Variants in GOLGA5 observed in about 807,000 individuals in gnomAD.
GOLGA5 encodes the protein golgin A5, also known as golgin subfamily A member 5.
GOLGA5 carries 50 observed loss-of-function variants against 93.5 expected under a neutral mutation model. The ratio of observed to expected loss-of-function variants is 0.53; its 90% CI spans 0.43 to 0.68. The LOEUF (loss-of-function observed/expected upper bound fraction) is 0.68. GOLGA5 is among the 30% of genes least tolerant of loss of function. GOLGA5 has a pLI of 0.00. For synonymous variants in GOLGA5, 312 were observed against 304.5 expected, an observed-to-expected ratio of 1.02 and a Z score of -0.26; for missense variants, 760 against 856.4, an observed-to-expected ratio of 0.89 and a Z score of 1.40.
Position 92,839,673 on chromosome 14 carries a change from A to G in GOLGA5, c.*227A>G. On this transcript the variant is annotated 3_prime_UTR_variant, in exon 13 of 13. Transcript: ENST00000163416. ...AATTTAACAAGCTCAGCTCTGCTTT[A>G]TCTGAGTTTAGTGGTCCTAATATAT... 3.5e-6 allele frequency: 2 copies of G among 572,052 alleles called. No homozygotes were observed. The highest frequency in any genetic ancestry group is 3.1e-6 in the Non-Finnish European group (1 of 322,114). The allele number at this position is 572,052 out of a possible 1,614,324, so 35.4% of individuals were successfully genotyped here.
chr14:92,802,585 T>C (rs10135352), intron 2 of GOLGA5, among the ~76,000 whole-genome samples: 122,633 of 151,896 alleles, frequency 0.81, 50,043 homozygotes, highest in African/African-American at 0.91. Context: ...TTAGGTTTTT[T>C]ATAGTTTTTT....
At chr14:92,835,173 T>A (rs1324149212) in intron 10 of GOLGA5, among the ~76,000 whole-genome samples, 1 of 152,144 alleles carries the variant, frequency 6.6e-6, no homozygotes, top group Non-Finnish European at 1.5e-5. Flanking sequence ...TGGATGAGTC[T>A]GGCAGGGGAT....
chr14:92,806,767 A>G lies in GOLGA5; in HGVS notation c.576A>G (p.Glu192=), dbSNP rs769102942. 8.1e-6 allele frequency: 13 copies of G among 1,613,756 alleles called. No homozygotes were observed. The South Asian group carries it at 1.4e-4, about 18-fold the overall frequency. ...CCAGTAACTCAGATTCTAGCCATGAAGGTCAAGAGGAATCTTCAAAGGAAA... is the reference window on the plus strand; with the variant it reads ...CCAGTAACTCAGATTCTAGCCATGAGGGTCAAGAGGAATCTTCAAAGGAAA... The part of the protein sequence containing the change: ...EAASNSDSSH[E]GQEESSKENV... Residue 192 remains glutamate, a synonymous_variant, in exon 3 of 13, where the codon GAA becomes GAG. Coordinates refer to ENST00000163416, the MANE Select transcript of GOLGA5 (RefSeq NM_005113.4).
chr14:92,802,711 A>G (rs1421131024), intron 2 of GOLGA5, among the ~76,000 whole-genome samples: 1 of 150,470 alleles, frequency 6.6e-6, no homozygotes, highest in Non-Finnish European at 1.5e-5. Flanking sequence ...TTTAATATTA[A>G]TATAGTATAC....
At chr14:92,800,763 G>A (rs1468504465) in intron 2 of GOLGA5, among the ~76,000 whole-genome samples, 3 of 152,224 alleles carry the variant, frequency 2.0e-5, no homozygotes, top group African/African-American at 7.2e-5. Flanking sequence ...CATAGCCAGT[G>A]TGATGCTAGT....
intron 7 of GOLGA5, 90 bp downstream of exon 7, chr14:92,816,511 A>AGAAACCTATCGCTT: frequency 4.7e-6 from 5 of 1,069,504 alleles, no homozygotes; most frequent in Non-Finnish European, 6.9e-6. Flanking sequence ...TACTAAAGCG[A>AGAAACCTATCGCTT]TAGGTTTCTC....
chr14:92,804,391 A>G (rs1884937223), intron 2 of GOLGA5, among the ~76,000 whole-genome samples: 1 of 151,386 alleles, frequency 6.6e-6, no homozygotes, highest in South Asian at 2.1e-4. Context: ...TAAAATCTTT[A>G]TTTTAGAAAT....
At chr14:92,809,065 AT>A (rs1205567392) in intron 3 of GOLGA5, among the ~76,000 whole-genome samples, 2 of 152,176 alleles carry the variant, frequency 1.3e-5, no homozygotes, top group East Asian at 3.9e-4. Context: ...TAGAAACAGC[AT>A]TGTAGAAGAG....
chr14:92,809,547 A>C, intron 4 of GOLGA5, 28 bp downstream of exon 4: 2 of 1,391,214 alleles, frequency 1.4e-6, no homozygotes, highest in Non-Finnish European at 2.0e-6. Flanking sequence ...TAATGAAAAA[A>C]ATGAGCAAGT....
intron 1 of GOLGA5, among the ~76,000 whole-genome samples, chr14:92,795,408 AG>A (rs1314044962): frequency 1.3e-5 from 2 of 151,852 alleles, no homozygotes; most frequent in African/African-American, 4.8e-5. Flanking sequence ...TAGGGAGGCA[AG>A]GGTTAAAAGT....
At chr14:92,824,384 T>C (rs570572068) in intron 8 of GOLGA5, among the ~76,000 whole-genome samples, 162 bp from the exon 9 acceptor site, 12 of 152,346 alleles carry the variant, frequency 7.9e-5, no homozygotes, top group Middle Eastern at 3.4e-3. Context: ...CTTAATTATA[T>C]ACTCATTATA....
In GOLGA5 at chr14:92,806,855, C is replaced by T; in HGVS notation, c.664C>T (p.His222Tyr). 1.2e-6 allele frequency: 2 copies of T among 1,613,502 alleles called. No homozygotes were observed. Among genetic ancestry groups the T allele is most frequent in the Non-Finnish European group, 1.7e-6 (2 of 1,179,422 alleles). Reference protein sequence around the residue: ...TPTPNDDGKSHELSNLRLENQ... With the variant: ...TPTPNDDGKSYELSNLRLENQ... ...AACACCTAATGATGATGGCAAATCACATGAACTGTCTAACCTTCGACTGGA... is the reference window on the plus strand; with the variant it reads ...AACACCTAATGATGATGGCAAATCATATGAACTGTCTAACCTTCGACTGGA... The change falls in exon 3 of 13, where the codon CAT (histidine) becomes TAT (tyrosine). Residue 222 changes from histidine (H) to tyrosine (Y), a missense_variant. Coordinates refer to ENST00000163416, the MANE Select transcript of GOLGA5 (RefSeq NM_005113.4).
chr14:92,815,870 A>AT (rs1454516399), intron 6 of GOLGA5, among the ~76,000 whole-genome samples: 1 of 151,084 alleles, frequency 6.6e-6, no homozygotes, highest in Non-Finnish European at 1.5e-5. Flanking sequence ...TGCCTGGCTA[A>AT]TTTTTTTTGT....
intron 1 of GOLGA5, among the ~76,000 whole-genome samples, chr14:92,794,881 C>G (rs115320634): frequency 3.5e-5 from 3 of 84,570 alleles, no homozygotes; most frequent in African/African-American, 1.1e-4. Context: ...CAGACCCATC[C>G]CCATCCCACG....
At chr14:92,794,750 G>A (rs1884682741) in intron 1 of GOLGA5, among the ~76,000 whole-genome samples, 1 of 152,104 alleles carries the variant, frequency 6.6e-6, no homozygotes. Flanking sequence ...TCGCTTACCT[G>A]AGATTCCCCA....
chr14:92,805,178 G>A (rs894131071), intron 2 of GOLGA5, among the ~76,000 whole-genome samples: 40 of 150,912 alleles, frequency 2.7e-4, no homozygotes, highest in African/African-American at 9.6e-4. Context: ...TCCTCACCCC[G>A]TCCCTGAAAG....
At chr14:92,816,889 T>C (rs889516577) in intron 7 of GOLGA5, among the ~76,000 whole-genome samples, 6 of 151,908 alleles carry the variant, frequency 3.9e-5, no homozygotes, top group African/African-American at 7.3e-5. Flanking sequence ...TCTTTCTTTC[T>C]TTCCTTTCTT....
At chr14:92,816,522 GCTTCT>G (rs975104975) in intron 7 of GOLGA5, 101 bp downstream of exon 7, 82 of 720,384 alleles carry the variant, frequency 1.1e-4, no homozygotes, top group Admixed American at 1.2e-4. Flanking sequence ...TAGGTTTCTC[GCTTCT>G]CTTCGCTTCG....
chr14:92,809,295 A>C lies in GOLGA5; in HGVS notation c.773-5A>C, dbSNP rs141979189. 1.3e-6 allele frequency: 2 copies of C among 1,588,306 alleles called. No homozygotes were observed. The highest frequency in any genetic ancestry group is 1.7e-6 in the Non-Finnish European group (2 of 1,158,380). On this transcript the variant is annotated splice_polypyrimidine_tract_variant and splice_region_variant and intron_variant, in intron 3 of 12. Coordinates refer to ENST00000163416, the MANE Select transcript of GOLGA5 (RefSeq NM_005113.4). ...TTGTATAGAGAAATTTAAATTTTTT[A>C]ATAGAATTAAACAAAGCAAGAGCAA...
Sources: gnomAD v4.1 joint callset for allele counts (sites outside exome capture counted in the v4.1 genomes callset) on GRCh38, gnomAD v4.1.1 for gene constraint, MANE v1.5 for transcripts, NCBI Gene and HGNC (gene_info 2026-07-23, HGNC 2026-07-21) for gene names.